FCHSD2: variants seen among roughly 807,000 people sequenced by gnomAD.
FCHSD2 encodes the protein FCH and double SH3 domains 2.
In FCHSD2, 38 loss-of-function variants were observed where a neutral mutation model predicts 108.1. The ratio of observed to expected loss-of-function variants is 0.35; its 90% CI spans 0.27 to 0.46. The LOEUF is 0.46. FCHSD2 is among the 20% of genes least tolerant of loss of function. FCHSD2 has a pLI of 1.00. For synonymous variants in FCHSD2, 279 were observed against 314.7 expected (o/e 0.89, Z 1.20); for missense variants, 751 against 897.8 (o/e 0.84, Z 2.09).
chr11:72,930,342 T>C (rs941843591), intron 8 of FCHSD2, among the ~76,000 whole-genome samples: 1 of 152,222 alleles, frequency 6.6e-6, no homozygotes, highest in Admixed American at 6.5e-5. Flanking sequence ...GTGCCAACCT[T>C]CTCTTTGTTC....
Position 73,141,916 on chromosome 11 carries a change from T to A in FCHSD2, c.-39A>T. ...CATCAATCCTCCCCGACGGCAGCGT[T>A]AGCAAGGACCAGGAGGAGGAGGAGG... On this transcript the variant is annotated 5_prime_UTR_variant, in exon 1 of 20. Transcript: ENST00000409418. The A allele has an allele frequency of 2.6e-6, 4 of 1,539,086 alleles. No individual in the cohort carries two copies. Among genetic ancestry groups the A allele is most frequent in the Non-Finnish European group, 3.5e-6 (4 of 1,144,048 alleles).
At chr11:73,025,047 G>A (rs1175841932) in intron 3 of FCHSD2, among the ~76,000 whole-genome samples, 1 of 152,182 alleles carries the variant, frequency 6.6e-6, no homozygotes, top group Non-Finnish European at 1.5e-5. Flanking sequence ...TTATGGAAGT[G>A]TAAATTAGCT....
chr11:72,863,603 A>G (rs1204440513), intron 13 of FCHSD2, among the ~76,000 whole-genome samples: 2 of 152,236 alleles, frequency 1.3e-5, no homozygotes, highest in Non-Finnish European at 2.9e-5. Context: ...CAAATATCTG[A>G]TAAAGGATTT....
intron 3 of FCHSD2, among the ~76,000 whole-genome samples, chr11:73,068,085 T>C (rs1479044466): frequency 6.6e-6 from 1 of 151,970 alleles, no homozygotes; most frequent in Non-Finnish European, 1.5e-5. Context: ...TGGAAGAAAC[T>C]GCCCCCATGA....
intron 2 of FCHSD2, among the ~76,000 whole-genome samples, chr11:73,097,928 C>T (rs1215100638): frequency 1.3e-5 from 2 of 152,178 alleles, no homozygotes; most frequent in African/African-American, 4.8e-5. Flanking sequence ...CCTGCCTCGG[C>T]CTCCAACTGG....
intron 8 of FCHSD2, among the ~76,000 whole-genome samples, chr11:72,935,670 A>C (rs1856285098): frequency 6.6e-6 from 1 of 152,232 alleles, no homozygotes; most frequent in Non-Finnish European, 1.5e-5. Context: ...TATTTACATT[A>C]CTGTAAATAT....
intron 8 of FCHSD2, among the ~76,000 whole-genome samples, chr11:72,930,069 T>A (rs1856158184): frequency 1.3e-5 from 2 of 152,122 alleles, no homozygotes. Context: ...AAAAAAATAA[T>A]ATGTTGTGAA....
At chr11:72,902,247 T>A (rs1855541917) in intron 10 of FCHSD2, among the ~76,000 whole-genome samples, 1 of 152,172 alleles carries the variant, frequency 6.6e-6, no homozygotes, top group African/African-American at 2.4e-5. Flanking sequence ...AAAATATAAT[T>A]TACATTTGAG....
chr11:73,096,987 A>ATTTTTTGTTTTTTTTTTT (rs1860097147), intron 2 of FCHSD2, among the ~76,000 whole-genome samples: 1 of 27,020 alleles, frequency 3.7e-5, no homozygotes, highest in African/African-American at 2.0e-4. Context: ...TCATTGATGG[A>ATTTTTTGTTTTTTTTTTT]TTTTTTTTTT....
Position 73,059,303 on chromosome 11 carries a change from G to T in FCHSD2, c.165+24392C>A. Among the ~76,000 whole-genome samples the T allele has an allele frequency of 1.3e-5, 2 of 151,790 alleles. 1 individual carries two copies. The highest frequency in any genetic ancestry group is 1.3e-4 in the Admixed American group (2 of 15,242). Reference sequence around the variant, plus strand: ...GGTTTTTTTTTTAACCCCCATACCAGAAAAGGATTTTTACACTATAAAGTT... The same window carrying T: ...GGTTTTTTTTTTAACCCCCATACCATAAAAGGATTTTTACACTATAAAGTT... On this transcript the variant is annotated intron_variant, in intron 3 of 19. Coordinates refer to ENST00000409418, the MANE Select transcript of FCHSD2 (RefSeq NM_014824.3).
intron 8 of FCHSD2, among the ~76,000 whole-genome samples, chr11:72,951,407 G>A (rs1222528211): frequency 6.6e-6 from 1 of 152,174 alleles, no homozygotes; most frequent in Non-Finnish European, 1.5e-5. Flanking sequence ...AAACGAGAGC[G>A]ACAGATTACG....
chr11:73,124,538 C>T (rs1860809209), intron 2 of FCHSD2, among the ~76,000 whole-genome samples: 1 of 151,978 alleles, frequency 6.6e-6, no homozygotes, highest in Admixed American at 6.6e-5. Context: ...GGTGGATCAC[C>T]AGAGGTCAGG....
chr11:73,059,527 C>CT (rs1859112559), intron 3 of FCHSD2, among the ~76,000 whole-genome samples: 1 of 152,152 alleles, frequency 6.6e-6, no homozygotes, highest in South Asian at 2.1e-4. Flanking sequence ...ACCCTTCACT[C>CT]TAACTTCTTC....
At chr11:73,092,165 T>C (rs1267096795) in intron 2 of FCHSD2, among the ~76,000 whole-genome samples, 9 of 152,160 alleles carry the variant, frequency 5.9e-5, no homozygotes, top group Non-Finnish European at 1.3e-4. Flanking sequence ...TCTTGCTCCA[T>C]CACTAAGGCT....
chr11:73,123,103 T>C (rs1860772442), intron 2 of FCHSD2, among the ~76,000 whole-genome samples: 1 of 152,112 alleles, frequency 6.6e-6, no homozygotes, highest in Non-Finnish European at 1.5e-5. Context: ...ATATATACAT[T>C]AAAGAAGGGA....
intron 2 of FCHSD2, among the ~76,000 whole-genome samples, chr11:73,106,561 C>A (rs1162266452): frequency 6.6e-6 from 1 of 151,944 alleles, no homozygotes; most frequent in African/African-American, 2.4e-5. Flanking sequence ...CAACTTTAAG[C>A]AAAACAGTAG....
At chr11:72,963,697 T>G (rs557947380) in intron 8 of FCHSD2, among the ~76,000 whole-genome samples, 2 of 152,212 alleles carry the variant, frequency 1.3e-5, no homozygotes, top group South Asian at 2.1e-4. Context: ...TCATAGGGAG[T>G]GTGCAACTTA....
chr11:73,042,863 T>C (rs1163123315), intron 3 of FCHSD2, among the ~76,000 whole-genome samples: 1 of 152,194 alleles, frequency 6.6e-6, no homozygotes, highest in Non-Finnish European at 1.5e-5. Context: ...TAGTTCATTA[T>C]TGGTATATAG....
intron 3 of FCHSD2, among the ~76,000 whole-genome samples, chr11:73,061,869 G>A (rs1859172359): frequency 1.3e-5 from 2 of 152,184 alleles, no homozygotes; most frequent in Non-Finnish European, 2.9e-5. Context: ...GAAAGGGGCA[G>A]CTGTGGGCAC....
Sources: gnomAD v4.1 joint callset for allele counts (sites outside exome capture counted in the v4.1 genomes callset) on GRCh38, gnomAD v4.1.1 for gene constraint, MANE v1.5 for transcripts, NCBI Gene and HGNC (gene_info 2026-07-23, HGNC 2026-07-21) for gene names.